The following DLGAP1 variants were observed in gnomAD, a reference collection of about 807,000 sequenced individuals.
DLGAP1 encodes the protein DLG associated protein 1.
Under a neutral mutation model 90.8 loss-of-function variants are expected in DLGAP1, and 11 were observed. The ratio of observed to expected loss-of-function variants is 0.12; its 90% CI spans 0.08 to 0.20. DLGAP1 has a LOEUF of 0.20. Ranked by LOEUF, DLGAP1 falls within the 10% of genes least tolerant of loss-of-function variation. The pLI, the probability that DLGAP1 is intolerant of heterozygous loss-of-function variation, is 1.00. For synonymous variants in DLGAP1, 558 were observed against 540.7 expected (o/e 1.03, Z -0.44); for missense variants, 1,050 against 1,333.8 (o/e 0.79, Z 3.31).
intron 1 of DLGAP1, among the ~76,000 whole-genome samples, chr18:4,152,626 G>A (rs2076693656): frequency 6.6e-6 from 1 of 152,200 alleles, no homozygotes. Flanking sequence ...AAGCTGACAG[G>A]TATGAAAGTG....
intron 2 of DLGAP1, among the ~76,000 whole-genome samples, chr18:4,035,865 G>C (rs1222720560): frequency 6.6e-6 from 1 of 152,116 alleles, no homozygotes; most frequent in Non-Finnish European, 1.5e-5. Context: ...GTTCTATCTT[G>C]AAAGTTCCTA....
chr18:4,165,019 A>G (rs2144538794), intron 1 of DLGAP1, among the ~76,000 whole-genome samples: 1 of 152,284 alleles, frequency 6.6e-6, no homozygotes, highest in Non-Finnish European at 1.5e-5. Flanking sequence ...GAAGATTACA[A>G]AAATCCAAAT....
In DLGAP1 at chr18:3,534,306, G is replaced by A; in HGVS notation, c.2367C>T (p.Cys789=). The A allele has an allele frequency of 6.2e-7, 1 of 1,614,210 alleles. No homozygotes were observed. The highest frequency in any genetic ancestry group is 1.7e-5 in the Admixed American group (1 of 60,022). Residue 789 remains cysteine, a synonymous_variant, in exon 10 of 13, where the codon TGC becomes TGT. Transcript: ENST00000315677. ...DPLEAVQRSV[C]HRDGHWFLKL... ...TCAGGAACCAGTGGCCATCCCGGTG[G>A]CACACTGACCTTTGCACGGCCTCCA...
At chr18:4,298,435 A>G (rs1197859953) in intron 1 of DLGAP1, among the ~76,000 whole-genome samples, 2 of 152,194 alleles carry the variant, frequency 1.3e-5, no homozygotes, top group African/African-American at 4.8e-5. Context: ...ATGGAATACT[A>G]TGCAGCCATA....
chr18:4,037,076 G>A (rs1568363702), intron 2 of DLGAP1, among the ~76,000 whole-genome samples: 2 of 152,172 alleles, frequency 1.3e-5, no homozygotes, highest in African/African-American at 2.4e-5. Context: ...ATTGTGAGAA[G>A]TGATAATTGG....
intron 7 of DLGAP1, among the ~76,000 whole-genome samples, chr18:3,610,844 A>G (rs1435445889): frequency 6.6e-6 from 1 of 151,916 alleles, no homozygotes; most frequent in African/African-American, 2.4e-5. Context: ...CCCTCAAAAA[A>G]ATAAAAAAAG....
intron 4 of DLGAP1, among the ~76,000 whole-genome samples, chr18:3,846,970 C>A (rs1177033613): frequency 6.6e-6 from 1 of 152,094 alleles, no homozygotes; most frequent in Non-Finnish European, 1.5e-5. Context: ...TAACATGATG[C>A]ATTACATTGA....
intron 5 of DLGAP1, among the ~76,000 whole-genome samples, chr18:3,767,003 A>G (rs916189543): frequency 6.6e-6 from 1 of 152,128 alleles, no homozygotes; most frequent in Non-Finnish European, 1.5e-5. Context: ...AAAGGTCAAT[A>G]AAATGGATAA....
intron 9 of DLGAP1, among the ~76,000 whole-genome samples, chr18:3,564,150 A>T (rs1187781150): frequency 1.5e-4 from 23 of 152,104 alleles, no homozygotes; most frequent in Admixed American, 9.8e-4. Context: ...AGTGGGCATG[A>T]TGTACTGGGT....
intron 7 of DLGAP1, among the ~76,000 whole-genome samples, chr18:3,632,490 A>C (rs2058559672): frequency 6.6e-6 from 1 of 151,962 alleles, no homozygotes; most frequent in African/African-American, 2.4e-5. Context: ...TTTCGCAGAG[A>C]CGGGGTTTCA....
chr18:4,407,509 T>C (rs995844289), intron 1 of DLGAP1, among the ~76,000 whole-genome samples: 3 of 152,210 alleles, frequency 2.0e-5, no homozygotes, highest in Non-Finnish European at 2.9e-5. Flanking sequence ...GAACCTAGCA[T>C]TGGCATTAGG....
intron 3 of DLGAP1, among the ~76,000 whole-genome samples, chr18:3,942,477 C>T (rs2072788871): frequency 6.6e-6 from 1 of 152,172 alleles, no homozygotes; most frequent in African/African-American, 2.4e-5. Context: ...AGGAGATGAT[C>T]TTGGGAAATT....
At chr18:3,597,717 C>G (rs1452578126) in intron 7 of DLGAP1, 1 of 157,926 alleles carries the variant, frequency 6.3e-6, no homozygotes, top group Non-Finnish European at 1.4e-5. Flanking sequence ...AAGGCCGGCT[C>G]AAACCTCCAA....
At chr18:3,866,820 T>C (rs1439925458) in intron 4 of DLGAP1, among the ~76,000 whole-genome samples, 1 of 152,208 alleles carries the variant, frequency 6.6e-6, no homozygotes, top group Non-Finnish European at 1.5e-5. Flanking sequence ...TGAATATCCA[T>C]CAAGTGTGGA....
chr18:3,635,412 T>G (rs774758904), intron 7 of DLGAP1, among the ~76,000 whole-genome samples: 14 of 151,506 alleles, frequency 9.2e-5, no homozygotes, highest in Admixed American at 3.3e-4. Flanking sequence ...GTGCTGGGAT[T>G]ACAGGCGTGA....
rs371766143 is a variant in DLGAP1 at position 3,675,005 on chromosome 18, G to A, written c.1591+54130C>T. 3.7e-3 allele frequency among the ~76,000 whole-genome samples: 559 copies of A among 151,142 alleles called. 5 individuals are homozygous for A. Among genetic ancestry groups the A allele is most frequent in the Middle Eastern group, 0.024 (7 of 290 alleles). ...CCCATTCACCTCCACTATCAGTACC[G>A]AGTCCACCACAATCATCACCCCCAT... On this transcript the variant is annotated intron_variant, in intron 7 of 12. Transcript: ENST00000315677.
chr18:3,890,890 G>C (rs1445323173), intron 3 of DLGAP1, among the ~76,000 whole-genome samples: 2 of 152,170 alleles, frequency 1.3e-5, no homozygotes, highest in African/African-American at 4.8e-5. Context: ...CACTGCGCCA[G>C]CTTATTTCTG....
intron 4 of DLGAP1, among the ~76,000 whole-genome samples, chr18:3,865,809 TAAG>T (rs1404224699): frequency 1.3e-5 from 2 of 152,208 alleles, no homozygotes; most frequent in South Asian, 2.1e-4. Flanking sequence ...AAAGACAATG[TAAG>T]AAGAACAATG....
At chr18:3,759,902 G>T (rs927474858) in intron 5 of DLGAP1, among the ~76,000 whole-genome samples, 2 of 152,218 alleles carry the variant, frequency 1.3e-5, no homozygotes, top group Non-Finnish European at 2.9e-5. Flanking sequence ...CCAGGGAGCT[G>T]CAAGGGCAAA....
Sources: gnomAD v4.1 joint callset for allele counts (sites outside exome capture counted in the v4.1 genomes callset) on GRCh38, gnomAD v4.1.1 for gene constraint, MANE v1.5 for transcripts, NCBI Gene and HGNC (gene_info 2026-07-23, HGNC 2026-07-21) for gene names.